Variants in KSR2 observed in about 807,000 individuals in gnomAD.
The protein encoded by KSR2 is kinase suppressor of ras 2.
A neutral mutation model predicts 107.8 loss-of-function variants in KSR2; 25 were observed. That is an observed-to-expected ratio of 0.23 (90% CI 0.17 to 0.32). The LOEUF (loss-of-function observed/expected upper bound fraction) is 0.32. KSR2 is among the 10% of genes least tolerant of loss of function. The probability of loss-of-function intolerance (pLI) is 1.00; values close to 1 mark genes in which losing one functional copy is unlikely to be tolerated. For missense variants in KSR2, 887 were observed against 1,268.9 expected, an observed-to-expected ratio of 0.70 and a Z score of 4.57; for synonymous variants, 480 against 507.0, an observed-to-expected ratio of 0.95 and a Z score of 0.71.
chr12:117,505,631 A>G (rs1873634561), intron 14 of KSR2, among the ~76,000 whole-genome samples: 1 of 152,176 alleles, frequency 6.6e-6, no homozygotes, highest in South Asian at 2.1e-4. Context: ...AGGCTCAACT[A>G]TCCACTTTTC....
At chr12:117,955,180 G>A (rs960572034) in intron 1 of KSR2, among the ~76,000 whole-genome samples, 5 of 151,884 alleles carry the variant, frequency 3.3e-5, no homozygotes. Flanking sequence ...GGAATGCAGT[G>A]GCACAATCAT....
chr12:117,711,011 C>T (rs535394935), intron 4 of KSR2, among the ~76,000 whole-genome samples: 1 of 152,298 alleles, frequency 6.6e-6, no homozygotes, highest in South Asian at 2.1e-4. Flanking sequence ...ATCAGAGACA[C>T]CATCTCCAAC....
chr12:117,843,210 C>G (rs1015710186), intron 3 of KSR2, among the ~76,000 whole-genome samples: 11 of 151,920 alleles, frequency 7.2e-5, no homozygotes, highest in Non-Finnish European at 1.6e-4. Context: ...AAGGGAACAC[C>G]GAGGGATGAA....
intron 7 of KSR2, among the ~76,000 whole-genome samples, chr12:117,560,869 C>T (rs1222762625): frequency 6.6e-6 from 1 of 152,166 alleles, no homozygotes; most frequent in African/African-American, 2.4e-5. Flanking sequence ...CCATGTGACA[C>T]CCCTGCTCCC....
In KSR2 at chr12:117,453,730, T is replaced by C. The variant is rs1293231466; in HGVS notation, c.*13469A>G. 1 of 152,000 alleles carries C rather than the reference T, an allele frequency of 6.6e-6. No homozygotes were observed. The highest frequency in any genetic ancestry group is 1.5e-5 in the Non-Finnish European group (1 of 67,984). The allele number at this position is 152,000 out of a possible 1,614,324, so 9.4% of individuals were successfully genotyped here. A position where few individuals can be genotyped will look rare whatever the true frequency, so the allele number is the denominator to read the frequency against. On this transcript the variant is annotated 3_prime_UTR_variant, in exon 20 of 20. Transcript: ENST00000339824. ...ATCAAGTCTCAAAGAGAGCGAGAAA[T>C]GAGAGGCTTGGGGTGGAAACGTTGA... is the stretch of plus-strand genomic sequence containing the variant.
intron 17 of KSR2, 55 bp downstream of exon 17, chr12:117,476,409 A>G: frequency 1.3e-6 from 2 of 1,504,392 alleles, no homozygotes; most frequent in Non-Finnish European, 1.8e-6. Flanking sequence ...AAGACTTGAG[A>G]AGTGCCCCTC....
chr12:117,897,754 C>G lies in KSR2; in HGVS notation c.181-37323G>C, dbSNP rs74352118. Among the ~76,000 whole-genome samples the G allele has an allele frequency of 0.012, 1,773 of 152,138 alleles. 33 individuals are homozygous for G. The highest frequency in any genetic ancestry group is 0.04 in the African/African-American group (1,672 of 41,494). On this transcript the variant is annotated intron_variant, in intron 1 of 19. Coordinates refer to ENST00000339824, the MANE Select transcript of KSR2 (RefSeq NM_173598.6). This position sits in a 1 kb window ranked among gnomAD's most constrained non-coding sequence, Gnocchi z 4.5. ...ACCTGCTGATCCGAGAACCTGAATG[C>G]AGCAGAAACCACCAAGCAGATGCCA...
chr12:117,847,140 G>A (rs891977709), intron 3 of KSR2, among the ~76,000 whole-genome samples: 14 of 152,202 alleles, frequency 9.2e-5, no homozygotes, highest in East Asian at 1.9e-4. Flanking sequence ...CAGAACATAC[G>A]AGACCCTGTG....
intron 1 of KSR2, among the ~76,000 whole-genome samples, chr12:117,957,113 T>C (rs1896539698): frequency 6.6e-6 from 1 of 152,328 alleles, no homozygotes; most frequent in South Asian, 2.1e-4. Flanking sequence ...ACCATTAACG[T>C]CTACACTTCC....
At chr12:117,495,071 T>G (rs1424928403) in intron 14 of KSR2, among the ~76,000 whole-genome samples, 1 of 152,246 alleles carries the variant, frequency 6.6e-6, no homozygotes, top group African/African-American at 2.4e-5. Context: ...TGGCGCTGCC[T>G]GGCTTGAGCT....
chr12:117,522,331 G>A (rs573268216), intron 14 of KSR2, among the ~76,000 whole-genome samples: 2 of 152,190 alleles, frequency 1.3e-5, no homozygotes, highest in South Asian at 2.1e-4. Flanking sequence ...GCTGAACAGG[G>A]AGGCAGGAGG....
chr12:117,871,302 C>T (rs953543234), intron 1 of KSR2, among the ~76,000 whole-genome samples: 5 of 152,154 alleles, frequency 3.3e-5, no homozygotes, highest in Non-Finnish European at 7.4e-5. Flanking sequence ...AGGAATGTCA[C>T]GCCAGGCCAA....
intron 3 of KSR2, among the ~76,000 whole-genome samples, chr12:117,844,304 G>A (rs1035216130): frequency 5.3e-5 from 8 of 151,998 alleles, no homozygotes; most frequent in Non-Finnish European, 1.0e-4. Context: ...AACAACACAC[G>A]GAACAGAAGA....
chr12:117,618,535 C>G (rs1882005608), intron 5 of KSR2, among the ~76,000 whole-genome samples: 1 of 152,038 alleles, frequency 6.6e-6, no homozygotes, highest in Non-Finnish European at 1.5e-5. Context: ...GCCCCACCCC[C>G]CAAATCTCAT....
chr12:117,719,050 C>A (rs1248719991), intron 4 of KSR2, among the ~76,000 whole-genome samples: 1 of 152,178 alleles, frequency 6.6e-6, no homozygotes, highest in African/African-American at 2.4e-5. Context: ...TTTTACTATG[C>A]AAAGCTATGG....
intron 10 of KSR2, among the ~76,000 whole-genome samples, chr12:117,536,678 T>C (rs981606938): frequency 6.6e-6 from 1 of 151,170 alleles, no homozygotes; most frequent in Non-Finnish European, 1.5e-5. Flanking sequence ...TATGGATATC[T>C]TTCCATGTCA....
At chr12:117,627,989 G>A (rs1183705229) in intron 5 of KSR2, among the ~76,000 whole-genome samples, 3 of 151,994 alleles carry the variant, frequency 2.0e-5, no homozygotes, top group Non-Finnish European at 4.4e-5. Context: ...CCACTTGATC[G>A]AATCAGCTAT....
At chr12:117,696,761 C>T (rs1886076910) in intron 4 of KSR2, among the ~76,000 whole-genome samples, 1 of 152,128 alleles carries the variant, frequency 6.6e-6, no homozygotes, top group Non-Finnish European at 1.5e-5. Flanking sequence ...GTGACTTTCC[C>T]TTGCCAGGCC....
At chr12:117,495,671 G>A (rs1181504445) in intron 14 of KSR2, among the ~76,000 whole-genome samples, 1 of 152,168 alleles carries the variant, frequency 6.6e-6, no homozygotes, top group Non-Finnish European at 1.5e-5. Context: ...TTGCTGCAAA[G>A]CTCAGAAGTG....
Sources: allele counts gnomAD v4.1 joint callset (sites outside exome capture counted in the v4.1 genomes callset), GRCh38; gene constraint gnomAD v4.1.1; non-coding constraint Gnocchi (gnomAD v3.1); transcripts MANE v1.5; gene names NCBI Gene and HGNC (gene_info 2026-07-23, HGNC 2026-07-21).